Variants in HNRNPH1 observed in about 807,000 individuals in gnomAD.
HNRNPH1 encodes heterogeneous nuclear ribonucleoprotein H.
Under a neutral mutation model 58.6 loss-of-function variants are expected in HNRNPH1, and 4 were observed. The observed-to-expected ratio is 0.07, with a 90% CI of 0.03 to 0.16. The LOEUF (loss-of-function observed/expected upper bound fraction) is 0.16, where lower values mean the gene tolerates loss of function less well. HNRNPH1 is among the 10% of genes least tolerant of loss of function. The pLI is 1.00. For synonymous variants in HNRNPH1, 192 were observed against 189.2 expected (o/e 1.01, Z -0.12); for missense variants, 271 against 564.2 (o/e 0.48, Z 5.26).
At chr5:179,617,358 A>T (rs1770274104) in intron 8 of HNRNPH1, 156 bp downstream of exon 9, 1 of 921,370 alleles carries the variant, frequency 1.1e-6, no homozygotes, top group East Asian at 2.5e-5. Context: ...AATTTTTAAA[A>T]CCCAAACCTT....
At chr5:179,619,905 C>T (rs1771487377) in intron 3 of HNRNPH1, 1 of 141,532 alleles carries the variant, frequency 7.1e-6, no homozygotes, top group Non-Finnish European at 1.6e-5. Context: ...TTCAACAAAA[C>T]TGATCTACAC....
At chr5:179,624,085 C>CG in exon 1 of HNRNPH1, 1 of 159,800 alleles carries the variant, frequency 6.3e-6, no homozygotes, top group Non-Finnish European at 1.4e-5. Context: ...CCCCTTGCCC[C>CG]CAGGCTCTTA....
intron 7 of HNRNPH1, 58 bp downstream of exon 8, chr5:179,617,741 A>AT: frequency 1.2e-6 from 2 of 1,608,998 alleles, no homozygotes; most frequent in Non-Finnish European, 8.5e-7. Flanking sequence ...CATTTATAGA[A>AT]TAAGGCTGAC....
intron 12 of HNRNPH1, chr5:179,615,315 A>C (rs1176712247): frequency 4.2e-6 from 2 of 472,776 alleles, no homozygotes; most frequent in Non-Finnish European, 7.6e-6. Flanking sequence ...AACATTCACA[A>C]TGTGTCCCTC....
At chr5:179,620,347 G>A (rs1771757517) in intron 3 of HNRNPH1, among the ~76,000 whole-genome samples, 1 of 152,144 alleles carries the variant, frequency 6.6e-6, no homozygotes, top group African/African-American at 2.4e-5. Flanking sequence ...ACTTATTTCA[G>A]ATACTGAGAC....
At chr5:179,617,893 T>A in exon 7 of HNRNPH1, 2 of 1,613,974 alleles carry the variant, frequency 1.2e-6, no homozygotes, top group Non-Finnish European at 1.7e-6. Flanking sequence ...ACCATCCCCG[T>A]ATCTGTGATC....
chr5:179,621,908 G>T lies in HNRNPH1; in HGVS notation c.98-511C>A, dbSNP rs148533921. 419 of 456,140 alleles carry T rather than the reference G, an allele frequency of 9.2e-4. 2 individuals carry two copies. Among genetic ancestry groups the T allele is most frequent in the Admixed American group, 1.8e-3 (77 of 42,544 alleles). The allele number at this position is 456,140 out of a possible 1,614,324, so 28.3% of individuals were successfully genotyped here. A position where few individuals can be genotyped will look rare whatever the true frequency, so the allele number is the denominator to read the frequency against. On this transcript the variant is annotated intron_variant, in intron 1 of 12. Coordinates refer to ENST00000356731, the Ensembl canonical transcript of HNRNPH1. ...TTGCACAGCTGAAGCCAAACCCAGT[G>T]TTGCCCCCTGCAAGGCGGCTTCCAG...
At chr5:179,618,347 G>A (rs772935438) in intron 4 of HNRNPH1, 24 bp from the exon 6 acceptor site, 2 of 1,526,686 alleles carry the variant, frequency 1.3e-6, no homozygotes, top group Non-Finnish European at 1.8e-6. Context: ...CATAAGGAAG[G>A]GGTAGGGAGG....
At chr5:179,627,908 G>T (rs542243062), upstream of HNRNPH1, among the ~76,000 whole-genome samples, 21 of 147,692 alleles carry the variant, frequency 1.4e-4, no homozygotes, top group East Asian at 4.2e-3. Context: ...GGCAACAGAG[G>T]GAGATTCCAT....
At chr5:179,632,410 C>G (rs980432420) in intron 2 of HNRNPH1, among the ~76,000 whole-genome samples, 4 of 152,252 alleles carry the variant, frequency 2.6e-5, no homozygotes, top group Non-Finnish European at 4.4e-5. Flanking sequence ...TCCGCCCTTG[C>G]GGCTGGGATC....
chr5:179,629,110 A>T (rs61078164), upstream of HNRNPH1: 2 of 148,836 alleles, frequency 1.3e-5, no homozygotes, highest in South Asian at 4.3e-4. Flanking sequence ...ATCCTGGATA[A>T]CACAGTGAAA....
exon 13 of HNRNPH1, chr5:179,614,842 T>C (rs1388262007): frequency 1.5e-6 from 2 of 1,376,044 alleles, no homozygotes; most frequent in Admixed American, 2.0e-5. Context: ...ATCGATCAAT[T>C]ACATTCCCCA....
exon 5 of HNRNPH1, chr5:179,618,311 G>A (rs1243866982): frequency 3.1e-6 from 5 of 1,609,754 alleles, no homozygotes; most frequent in East Asian, 4.5e-5. Context: ...TGCTCTTAAA[G>A]ATTTCAATAT....
intron 10 of HNRNPH1, 42 bp from the exon 12 acceptor site, chr5:179,616,260 A>T (rs1452637607): frequency 2.4e-5 from 35 of 1,460,672 alleles, no homozygotes; most frequent in Non-Finnish European, 3.3e-5. Flanking sequence ...TTCTTATGTG[A>T]TGTGGTACCT....
chr5:179,616,609 T>C, intron 10 of HNRNPH1: 1 of 534,300 alleles, frequency 1.9e-6, no homozygotes, highest in Non-Finnish European at 3.3e-6. Context: ...TGATTTAAAC[T>C]TTATACTTAG....
At chr5:179,619,670 TAAG>T (rs1433178546) in intron 3 of HNRNPH1, 12 of 261,130 alleles carry the variant, frequency 4.6e-5, no homozygotes, top group Non-Finnish European at 2.9e-5. Context: ...TTCAACAACT[TAAG>T]AACACATATC....
At chr5:179,632,180 T>G (rs28514295) in intron 2 of HNRNPH1, among the ~76,000 whole-genome samples, 1 of 151,994 alleles carries the variant, frequency 6.6e-6, no homozygotes, top group Non-Finnish European at 1.5e-5. Flanking sequence ...TGGTGGCGGG[T>G]GCCTGTAGTC....
chr5:179,626,972 G>A (rs952269691), upstream of HNRNPH1, among the ~76,000 whole-genome samples: 8 of 151,890 alleles, frequency 5.3e-5, no homozygotes, highest in East Asian at 1.6e-3. Context: ...TACTAGAGAC[G>A]GGGTTTCACC....
At chr5:179,626,772 ACTT>A (rs1235317798), upstream of HNRNPH1, among the ~76,000 whole-genome samples, 3 of 145,970 alleles carry the variant, frequency 2.1e-5, no homozygotes, top group Admixed American at 6.8e-5. Flanking sequence ...GTCTTGGTAT[ACTT>A]CTTTTTTTTT....
Sources: allele counts gnomAD v4.1 joint callset (sites outside exome capture counted in the v4.1 genomes callset), GRCh38; gene constraint gnomAD v4.1.1; transcripts MANE v1.5; gene names NCBI Gene and HGNC (gene_info 2026-07-23, HGNC 2026-07-21).